XKR6: variants seen among roughly 807,000 people sequenced by gnomAD.
XKR6 encodes XK-related protein 6.
XKR6 carries 22 observed loss-of-function variants against 56.7 expected under a neutral mutation model. The observed-to-expected ratio is 0.39, with a 90% CI of 0.28 to 0.55. XKR6 has a LOEUF of 0.55. XKR6 is among the 20% of genes least tolerant of loss of function. The pLI is 0.66. For missense variants in XKR6, 852 were observed against 889.0 expected (o/e 0.96, Z 0.53); for synonymous variants, 524 against 387.8 (o/e 1.35, Z -4.13).
At chr8:11,048,471 A>G (rs1380260505) in intron 1 of XKR6, among the ~76,000 whole-genome samples, 1 of 152,126 alleles carries the variant, frequency 6.6e-6, no homozygotes, top group African/African-American at 2.4e-5. Flanking sequence ...GAGGTCTCTT[A>G]ATATGTATAG....
At chr8:11,047,792 A>G (rs754804416) in intron 1 of XKR6, among the ~76,000 whole-genome samples, 6 of 152,198 alleles carry the variant, frequency 3.9e-5, no homozygotes, top group Non-Finnish European at 7.3e-5. Flanking sequence ...TATGTATTTT[A>G]CCATAAAAAA....
At chr8:11,190,285 TAAAA>T (rs1803506809) in intron 1 of XKR6, among the ~76,000 whole-genome samples, 1 of 145,264 alleles carries the variant, frequency 6.9e-6, no homozygotes. Flanking sequence ...GAAAGGAAAA[TAAAA>T]GAAAAGAAAA....
chr8:11,186,525 G>A (rs1803285629), intron 1 of XKR6, among the ~76,000 whole-genome samples: 1 of 152,108 alleles, frequency 6.6e-6, no homozygotes, highest in South Asian at 2.1e-4. Context: ...CCACAGGTGT[G>A]CCACACCACA....
Position 11,201,011 on chromosome 8 carries a change from G to A in XKR6, c.329C>T (p.Pro110Leu). The change falls in exon 1 of 3, where the codon CCC becomes CTC. Residue 110 changes from proline to leucine, a missense_variant. Coordinates refer to ENST00000416569, the MANE Select transcript of XKR6 (RefSeq NM_173683.4). ...APGAGRQPPT[P>L]SAARPEPPPP... ...CGGCGGCTCCGGCCGCGCGGCCGAG[G>A]GCGTCGGGGGTTGGCGGCCGGCGCC... The A allele has an allele frequency of 7.8e-6, 10 of 1,278,006 alleles. No homozygotes were observed. The highest frequency in any genetic ancestry group is 2.8e-5 in the South Asian group (1 of 35,226). The allele number at this position is 1,278,006 out of a possible 1,614,324, so 79.2% of individuals were successfully genotyped here. A position where few individuals can be genotyped will look rare whatever the true frequency, so the allele number is the denominator to read the frequency against.
intron 1 of XKR6, among the ~76,000 whole-genome samples, chr8:11,040,465 G>A (rs937981826): frequency 7.9e-5 from 12 of 152,004 alleles, no homozygotes; most frequent in African/African-American, 2.7e-4. Context: ...CCAGGGGGTC[G>A]AGGCTGCAGT....
At chr8:10,926,592 G>A (rs971864087) in intron 1 of XKR6, among the ~76,000 whole-genome samples, 1 of 152,270 alleles carries the variant, frequency 6.6e-6, no homozygotes, top group African/African-American at 2.4e-5. Context: ...ATGGGAGGAA[G>A]GTTGGGGCAC....
intron 1 of XKR6, among the ~76,000 whole-genome samples, chr8:11,177,808 T>C (rs1379348464): frequency 6.6e-6 from 1 of 152,232 alleles, no homozygotes; most frequent in African/African-American, 2.4e-5. Flanking sequence ...GACTGCAGAC[T>C]TCTAGCCTCA....
At chr8:11,045,547 C>T (rs976319689) in intron 1 of XKR6, among the ~76,000 whole-genome samples, 1 of 152,174 alleles carries the variant, frequency 6.6e-6, no homozygotes, top group African/African-American at 2.4e-5. Context: ...TCCATTTCCT[C>T]TGCTATAAAA....
intron 1 of XKR6, among the ~76,000 whole-genome samples, chr8:10,962,784 C>G (rs111509978): frequency 0.056 from 8,535 of 152,178 alleles, 331 homozygotes; most frequent in Middle Eastern, 0.085. Flanking sequence ...CGCCACCACA[C>G]CTGGCTAATT....
At chr8:10,997,722 G>A (rs1798146688) in intron 1 of XKR6, among the ~76,000 whole-genome samples, 2 of 152,124 alleles carry the variant, frequency 1.3e-5, no homozygotes, top group Non-Finnish European at 2.9e-5. Context: ...CTACTAGGGG[G>A]ATTGGGTCCA....
At chr8:11,164,876 C>G (rs560807402) in intron 1 of XKR6, among the ~76,000 whole-genome samples, 1 of 152,298 alleles carries the variant, frequency 6.6e-6, no homozygotes, top group Admixed American at 6.5e-5. Context: ...AACAATGGCA[C>G]TAAAGCTTTG....
intron 1 of XKR6, among the ~76,000 whole-genome samples, chr8:10,996,480 T>C (rs1798115762): frequency 6.6e-6 from 1 of 152,216 alleles, no homozygotes. Context: ...CACATCTCTA[T>C]ACTGCTAAGA....
chr8:11,080,719 C>T (rs1190769777), intron 1 of XKR6, among the ~76,000 whole-genome samples: 1 of 152,226 alleles, frequency 6.6e-6, no homozygotes, highest in African/African-American at 2.4e-5. Flanking sequence ...AGGTGGTCCA[C>T]CACCTCAAAG....
chr8:11,201,038 G>A lies in XKR6; in HGVS notation c.302C>T (p.Pro101Leu). 4 of 1,206,082 alleles carry A rather than the reference G, an allele frequency of 3.3e-6. No homozygotes were observed. The highest frequency in any genetic ancestry group is 8.1e-5 in the South Asian group (2 of 24,770). The allele number at this position is 1,206,082 out of a possible 1,614,324, so 74.7% of individuals were successfully genotyped here. A position where few individuals can be genotyped will look rare whatever the true frequency, so the allele number is the denominator to read the frequency against. ...CGTCGGGGGTTGGCGGCCGGCGCCG[G>A]GGGCCGCGGGAGGCTGCAGCGGCTG... Reference protein sequence around the residue: ...GDQPLQPPAAPGAGRQPPTPS... With the variant: ...GDQPLQPPAALGAGRQPPTPS... The change falls in exon 1 of 3, where the codon CCC becomes CTC. Residue 101 changes from proline (P) to leucine (L), a missense_variant. Pro to Leu is a moderately conservative substitution (Grantham distance 98, BLOSUM62 -3). Around this residue, in one of 4 missense-constraint regions of XKR6, gnomAD observed 417 missense variants for 355.2 expected, o/e 1.17. Transcript: ENST00000416569.
intron 1 of XKR6, among the ~76,000 whole-genome samples, chr8:11,115,023 CG>C (rs1799106111): frequency 1.3e-5 from 2 of 152,126 alleles, no homozygotes; most frequent in African/African-American, 2.4e-5. Context: ...AGTCTGGAGT[CG>C]TCAGCCATCT....
In XKR6 at chr8:11,201,295, A is replaced by G. The variant is rs770211171; in HGVS notation, c.45T>C (p.Ala15=). 6 of 1,525,448 alleles carry G rather than the reference A, an allele frequency of 3.9e-6. No homozygotes were observed. Among genetic ancestry groups the G allele is most frequent in the Non-Finnish European group, 5.3e-6 (6 of 1,139,554 alleles). 94.5% of individuals were successfully genotyped at this position (1,525,448 alleles called of 1,614,324 possible). ...CCGCCTCGTCCAGGTTGTGCAGCTG[A>G]GCGAAGCCCACCCCCACGCCACCGC... ...SDGGGVGVGF[A]QLHNLDEAVG... is the part of the protein sequence containing the mutation. The change falls in exon 1 of 3, where the codon GCT becomes GCC. Residue 15 remains alanine (A), a synonymous_variant. Transcript: ENST00000416569.
Position 11,201,357 on chromosome 8 carries a change from C to G in XKR6, c.-18G>C, listed in dbSNP as rs746503196. 1 of 1,277,692 alleles carries G rather than the reference C, an allele frequency of 7.8e-7. No individual in the cohort carries two copies. Among genetic ancestry groups the G allele is most frequent in the Non-Finnish European group, 1.0e-6 (1 of 988,762 alleles). The allele number at this position is 1,277,692 out of a possible 1,614,324, so 79.1% of individuals were successfully genotyped here. The stretch of plus-strand genomic sequence containing the variant: ...GCCGCCATCTTGACTCTCTTCCCAG[C>G]TCCGGAGGTTGGGGGGGAGGGACGG... On this transcript the variant is annotated 5_prime_UTR_variant, in exon 1 of 3. Transcript: ENST00000416569.
At chr8:10,911,466 T>A (rs1800362520) in intron 2 of XKR6, among the ~76,000 whole-genome samples, 3 of 143,708 alleles carry the variant, frequency 2.1e-5, no homozygotes, top group African/African-American at 5.2e-5. Flanking sequence ...AGAGAGAGAA[T>A]ATGTATGTGT....
rs563436578 is a variant in XKR6, at chr8:10,905,631, GACA to G, written c.962-6718_962-6716del. 1.7e-3 allele frequency among the ~76,000 whole-genome samples: 259 copies of G among 152,212 alleles called. 8 individuals carry two copies. The South Asian group carries it at 0.052, about 30-fold the overall frequency. On this transcript the variant is annotated intron_variant, in intron 2 of 2. Transcript: ENST00000416569. Reference sequence around the variant, plus strand: ...GTTATCTGTCAGTCTGCATATCAAGGACAACATCTCCCTCTTTCAACCCTGGCC... The same window carrying G: ...GTTATCTGTCAGTCTGCATATCAAGGACATCTCCCTCTTTCAACCCTGGCC...
Sources: gnomAD v4.1 joint callset for allele counts (sites outside exome capture counted in the v4.1 genomes callset) on GRCh38, gnomAD v4.1.1 for gene constraint, gnomAD v4.1.1 regional missense constraint, MANE v1.5 for transcripts, NCBI Gene and HGNC (gene_info 2026-07-23, HGNC 2026-07-21) for gene names.